CARS2: variants seen among roughly 807,000 people sequenced by gnomAD.
The protein encoded by CARS2 is probable cysteine--tRNA ligase, mitochondrial.
In CARS2, 52 loss-of-function variants were observed where a neutral mutation model predicts 68.8. The ratio of observed to expected loss-of-function variants is 0.76; its 90% confidence interval spans 0.61 to 0.95. CARS2 has a LOEUF of 0.95. Among genes scored for constraint, CARS2 ranks in the 40% least tolerant of loss-of-function variants. The pLI is 0.00. For synonymous variants in CARS2, 314 were observed against 303.6 expected (o/e 1.03, Z -0.36); for missense variants, 780 against 754.2 (o/e 1.03, Z -0.40).
rs2062564428 is a variant in CARS2, at chr13:110,663,455, A to G, written c.983T>C (p.Ile328Thr). The change falls in exon 9 of 15, where the codon ATT (isoleucine) becomes ACT (threonine). Residue 328 changes from isoleucine (I) to threonine (T), a missense_variant. By Grantham distance (89) the Ile-to-Thr change is moderately conservative. Coordinates refer to ENST00000257347, the MANE Select transcript of CARS2 (RefSeq NM_024537.4). ...MSKSLKNYIT[I>T]KDFLKTFSPD... Reference sequence around the variant, plus strand: ...ACAATACAAAAAGCACGTTACCTTAATAGTAATGTAGTTCTTTAATGATTT... The same window carrying G: ...ACAATACAAAAAGCACGTTACCTTAGTAGTAATGTAGTTCTTTAATGATTT... 2.5e-6 allele frequency: 4 copies of G among 1,613,170 alleles called. No homozygotes were observed. The highest frequency in any genetic ancestry group is 3.4e-6 in the Non-Finnish European group (4 of 1,179,648).
intron 3 of CARS2, among the ~76,000 whole-genome samples, chr13:110,700,716 A>G (rs2063759866): frequency 1.3e-5 from 2 of 152,404 alleles, no homozygotes; most frequent in African/African-American, 4.8e-5. Flanking sequence ...TACTTTTTAA[A>G]CTATCAAGAC....
chr13:110,712,097 A>G (rs1013002133), intron 1 of CARS2: 1 of 152,280 alleles, frequency 6.6e-6, no homozygotes, highest in Non-Finnish European at 1.5e-5. Context: ...GGTGGATAAA[A>G]GCTGAAATCC....
intron 11 of CARS2, 193 bp downstream of exon 11, chr13:110,646,908 A>C: frequency 3.5e-6 from 2 of 571,854 alleles, no homozygotes; most frequent in East Asian, 3.0e-5. Flanking sequence ...GCCTCTGGGG[A>C]GCCCCTGACC....
At position 110,668,437 on chromosome 13, in the gene CARS2, G is replaced by A. The variant is rs562683514; in HGVS notation, c.786-964C>T. On this transcript the variant is annotated intron_variant, in intron 7 of 14. Coordinates refer to ENST00000257347, the MANE Select transcript of CARS2 (RefSeq NM_024537.4). The surrounding 1 kb of genome is among the most constrained non-coding windows in gnomAD (Gnocchi z 4.1). Reference sequence around the variant, plus strand: ...GGTGCCTGTAGTCCCAGCTGCTTGGGAGGCTGAGGCAAGAGAATGGCATGA... The same window carrying A: ...GGTGCCTGTAGTCCCAGCTGCTTGGAAGGCTGAGGCAAGAGAATGGCATGA... 5.9e-5 allele frequency among the ~76,000 whole-genome samples: 9 copies of A among 152,150 alleles called. No individual in the cohort carries two copies. In the East Asian group the frequency reaches 1.7e-3, roughly 30 times the overall value.
intron 10 of CARS2, 30 bp downstream of exon 10, chr13:110,651,004 G>GT (rs1566653444): frequency 6.5e-7 from 1 of 1,548,442 alleles, no homozygotes; most frequent in African/African-American, 1.4e-5. Context: ...GAGCTGGGGG[G>GT]GGAGTCCACT....
At chr13:110,664,464 C>T (rs1445211390) in intron 8 of CARS2, 3 of 401,778 alleles carry the variant, frequency 7.5e-6, no homozygotes, top group Non-Finnish European at 1.0e-5. Flanking sequence ...CTAGAGTGAG[C>T]TATGTTCATG....
chr13:110,644,775 CATGGTAGGTGGAGG>C, intron 12 of CARS2: 2 of 335,706 alleles, frequency 6.0e-6, no homozygotes, highest in Non-Finnish European at 1.1e-5. Context: ...GCAGGTGGCG[CATGGTAGGTGGAGG>C]CTGAGTGGGC....
At chr13:110,697,217 CT>C (rs1369725891) in intron 3 of CARS2, among the ~76,000 whole-genome samples, 1 of 152,262 alleles carries the variant, frequency 6.6e-6, no homozygotes, top group Non-Finnish European at 1.5e-5. Flanking sequence ...CAAACACCAC[CT>C]CTGCTGAGGG....
intron 3 of CARS2, among the ~76,000 whole-genome samples, chr13:110,699,259 C>T (rs1055747293): frequency 6.6e-6 from 1 of 152,196 alleles, no homozygotes; most frequent in Admixed American, 6.5e-5. Flanking sequence ...AAGACAAACA[C>T]CGTCTAATGC....
At chr13:110,695,759 G>A (rs1285353674) in intron 3 of CARS2, among the ~76,000 whole-genome samples, 1 of 150,902 alleles carries the variant, frequency 6.6e-6, no homozygotes, top group Non-Finnish European at 1.5e-5. Context: ...AGTTTACATT[G>A]GATAAAAAGA....
In CARS2 at chr13:110,705,871, A is replaced by C; in HGVS notation, c.223T>G (p.Trp75Gly). 1.9e-6 allele frequency: 3 copies of C among 1,557,194 alleles called. No homozygotes were observed. Among genetic ancestry groups the C allele is most frequent in the Non-Finnish European group, 2.6e-6 (3 of 1,153,680 alleles). The change falls in exon 1 of 15, where the codon TGG becomes GGG. Residue 75 changes from tryptophan to glycine, a missense_variant and splice_region_variant. Coordinates refer to ENST00000257347, the MANE Select transcript of CARS2 (RefSeq NM_024537.4). The surrounding 1 kb of genome is among the most constrained non-coding windows in gnomAD (Gnocchi z 4.0). The stretch of plus-strand genomic sequence containing the variant: ...GTGCCCCAGTCCCGCGCGGCCCACC[A>C]GGAGGCGGCTTCGGCGTGCGCCACG... ...LIVAHAEAAS[W>G]YSCGPTVYDH... is the part of the protein sequence containing the mutation.
rs779837938 is a variant in CARS2, at chr13:110,642,447, G to A, written c.1491C>T (p.Val497=). 6.2e-7 allele frequency: 1 copy of A among 1,607,942 alleles called. No homozygotes were observed. Among genetic ancestry groups the A allele is most frequent in the South Asian group, 1.1e-5 (1 of 89,982 alleles). ...VDELVRFRQK[V]RQFALAMPEA... ...CGGGCATGGCCAGCGCAAACTGCCG[G>A]ACCTTCTGCCGGAACCGCACCAGCT... Residue 497 remains valine, a synonymous_variant, in exon 14 of 15, where the codon GTC becomes GTT. Transcript: ENST00000257347.
exon 1 of CARS2, chr13:110,713,295 C>A (rs565116451): frequency 1.4e-4 from 183 of 1,266,676 alleles, no homozygotes; most frequent in Non-Finnish European, 1.8e-4. Flanking sequence ...GCGGTAGTTG[C>A]TGTGTACCAT....
In CARS2 at chr13:110,659,213, G is replaced by A. The variant is rs567873110; in HGVS notation, c.987+4238C>T. Among the ~76,000 whole-genome samples, 7 of 152,192 alleles carry A rather than the reference G, an allele frequency of 4.6e-5. No individual in the cohort carries two copies. The South Asian group carries it at 1.5e-3, about 32-fold the overall frequency. On this transcript the variant is annotated intron_variant, in intron 9 of 14. Transcript: ENST00000257347. ...AAGCCCCTGAAGGGTACCACAGCCT[G>A]CCAGCCCTGAATATGCCTCCCTGGC...
intron 3 of CARS2, among the ~76,000 whole-genome samples, chr13:110,700,885 G>C (rs1003582607): frequency 1.3e-5 from 2 of 152,168 alleles, no homozygotes; most frequent in Non-Finnish European, 2.9e-5. Flanking sequence ...AGGAGGTAAC[G>C]ACACGAGGCC....
chr13:110,656,586 A>G lies in CARS2; in HGVS notation c.988-5486T>C, dbSNP rs116505097. On this transcript the variant is annotated intron_variant, in intron 9 of 14. Coordinates refer to ENST00000257347, the MANE Select transcript of CARS2 (RefSeq NM_024537.4). ...GGATGTGGCGTTTCTTTTTGGGGTG[A>G]TAAAAACGTTCTTAGAGGCCGGGCG... is the stretch of plus-strand genomic sequence containing the variant. 5.3e-3 allele frequency among the ~76,000 whole-genome samples: 799 copies of G among 152,144 alleles called. 8 individuals carry two copies. Among genetic ancestry groups the G allele is most frequent in the African/African-American group, 0.016 (664 of 41,524 alleles).
intron 1 of CARS2, chr13:110,713,121 G>C (rs1429716532): frequency 4.2e-6 from 6 of 1,428,224 alleles, no homozygotes; most frequent in East Asian, 2.5e-5. Flanking sequence ...GTAAGAGTCC[G>C]GGGGGCATTA....
chr13:110,660,692 A>G (rs968867498), intron 9 of CARS2, among the ~76,000 whole-genome samples: 4 of 152,012 alleles, frequency 2.6e-5, no homozygotes. Flanking sequence ...CCATGCTGTA[A>G]ATGGATGTGC....
At chr13:110,663,838 C>T in intron 8 of CARS2, 1 of 1,112,290 alleles carries the variant, frequency 9.0e-7, no homozygotes, top group Non-Finnish European at 1.1e-6. Flanking sequence ...TTCTCCTCTC[C>T]TGTAATTCAG....
Sources: allele counts gnomAD v4.1 joint callset (sites outside exome capture counted in the v4.1 genomes callset), GRCh38; gene constraint gnomAD v4.1.1; non-coding constraint Gnocchi (gnomAD v3.1); transcripts MANE v1.5; gene names NCBI Gene and HGNC (gene_info 2026-07-23, HGNC 2026-07-21).